Variants in FBXO22 observed in about 807,000 individuals in gnomAD.
The protein encoded by FBXO22 is F-box protein 22, also known as F-box only protein 22.
In FBXO22, 13 loss-of-function variants were observed where a neutral mutation model predicts 37.2. The observed-to-expected ratio is 0.35, with a 90% confidence interval of 0.23 to 0.56. The LOEUF (loss-of-function observed/expected upper bound fraction) is 0.56. FBXO22 is among the 20% of genes least tolerant of loss of function. The pLI, the probability that FBXO22 is intolerant of heterozygous loss-of-function variation, is 0.87. For synonymous variants in FBXO22, 189 were observed against 189.1 expected, an observed-to-expected ratio of 1.00 and a Z score of 0.00; for missense variants, 446 against 509.9, an observed-to-expected ratio of 0.87 and a Z score of 1.21.
rs180831394 is a variant in FBXO22, at chr15:75,925,204, T to A, written c.629-4680T>A. Among the ~76,000 whole-genome samples the A allele has an allele frequency of 3.9e-5, 6 of 152,328 alleles. No homozygotes were observed. The East Asian group carries it at 1.2e-3, about 29-fold the overall frequency. ...CTAGCTTCTGTAATATGGATATAAT[T>A]TGCATGTTAAATGTGAATTTTGGAA... is the stretch of plus-strand genomic sequence containing the variant. On this transcript the variant is annotated intron_variant, in intron 5 of 6. Transcript: ENST00000308275.
In FBXO22 at chr15:75,914,194, C is replaced by T. The variant is rs1900132760; in HGVS notation, c.452C>T (p.Pro151Leu). The change falls in exon 4 of 7, where the codon CCA becomes CTA. Residue 151 changes from proline to leucine, a missense_variant. This residue lies in a region of FBXO22 where 315 missense variants were observed against 410.1 expected (regional missense o/e 0.77). Coordinates refer to ENST00000308275, the MANE Select transcript of FBXO22 (RefSeq NM_147188.3). ...TGCCAAGTCCTTGGGATTGTGACCCCAGGAATTGTAGGTGAGATAAATTAG... is the reference window on the plus strand; with the variant it reads ...TGCCAAGTCCTTGGGATTGTGACCCTAGGAATTGTAGGTGAGATAAATTAG... ...KQCQVLGIVT[P>L]GIVVTPMGSG... The T allele has an allele frequency of 6.2e-7, 1 of 1,612,096 alleles. No homozygotes were observed. Among genetic ancestry groups the T allele is most frequent in the Non-Finnish European group, 8.5e-7 (1 of 1,178,612 alleles).
At chr15:75,929,613 ATTAT>A (rs1348572112) in intron 5 of FBXO22, among the ~76,000 whole-genome samples, 1 of 151,968 alleles carries the variant, frequency 6.6e-6, no homozygotes, top group Non-Finnish European at 1.5e-5. Flanking sequence ...TGTTGATTGC[ATTAT>A]TTATTAACAC....
In FBXO22 at chr15:75,924,256, G is replaced by A. The variant is rs1900391644; in HGVS notation, c.629-5628G>A. On this transcript the variant is annotated intron_variant, in intron 5 of 6. Coordinates refer to ENST00000308275, the MANE Select transcript of FBXO22 (RefSeq NM_147188.3). ...CCGGGGAGGAGGCTCAGTAGTGCAT[G>A]TTGATTGTCCAGGGTTGGTACTGCT... 2.0e-5 allele frequency among the ~76,000 whole-genome samples: 3 copies of A among 152,156 alleles called. No homozygotes were observed. In the South Asian group the frequency reaches 6.2e-4, roughly 32 times the overall value.
rs2031085252 is a variant in FBXO22, at chr15:75,942,379, T to C, written c.*9277T>C. 6.6e-6 allele frequency: 1 copy of C among 150,480 alleles called. No homozygotes were observed. The allele number at this position is 150,480 out of a possible 1,614,324, so 9.3% of individuals were successfully genotyped here. A position where few individuals can be genotyped will look rare whatever the true frequency, so the allele number is the denominator to read the frequency against. ...AAAGTAAAAATGTGTCAATATTGGT[T>C]AAACAAATATACCACACTAGTGCAA... On this transcript the variant is annotated 3_prime_UTR_variant, in exon 7 of 7. Coordinates refer to ENST00000308275, the MANE Select transcript of FBXO22 (RefSeq NM_147188.3).
intron 6 of FBXO22, 87 bp downstream of exon 6, chr15:75,930,136 CGT>C: frequency 6.3e-7 from 1 of 1,598,412 alleles, no homozygotes; most frequent in Non-Finnish European, 8.5e-7. Context: ...ATTTAAAAAA[CGT>C]GTTTAAAGAA....
At chr15:75,904,972 C>A (rs1899894528) in intron 2 of FBXO22, among the ~76,000 whole-genome samples, 1 of 152,046 alleles carries the variant, frequency 6.6e-6, no homozygotes, top group Admixed American at 6.5e-5. Flanking sequence ...TACAGGCGCC[C>A]GCCACCATGC....
chr15:75,932,615 G>A (rs1028726973), intron 6 of FBXO22, 70 bp from the exon 7 acceptor site: 10 of 1,427,278 alleles, frequency 7.0e-6, no homozygotes, highest in Non-Finnish European at 9.4e-6. Flanking sequence ...AGTGAATCAG[G>A]AGGATTTTGC....
chr15:75,914,050 C>T lies in FBXO22; in HGVS notation c.368-60C>T, dbSNP rs1900128427. 3.2e-6 allele frequency: 4 copies of T among 1,266,564 alleles called. No individual in the cohort carries two copies. In the Admixed American group the frequency reaches 6.1e-5, roughly 19 times the overall value. The allele number at this position is 1,266,564 out of a possible 1,614,324, so 78.5% of individuals were successfully genotyped here. A position where few individuals can be genotyped will look rare whatever the true frequency, so the allele number is the denominator to read the frequency against. ...TCCAGTATTTGCTTTTTTACTTTTT[C>T]ATTCTCAGATTTGACTTTAAATGGA... is the stretch of plus-strand genomic sequence containing the variant. On this transcript the variant is annotated intron_variant, in intron 3 of 6. Coordinates refer to ENST00000308275, the MANE Select transcript of FBXO22 (RefSeq NM_147188.3).
intron 4 of FBXO22, among the ~76,000 whole-genome samples, chr15:75,915,877 A>T (rs1337910440): frequency 1.3e-5 from 2 of 149,900 alleles, no homozygotes; most frequent in South Asian, 4.3e-4. Context: ...TCCATCCTGG[A>T]TGATAGAGCA....
chr15:75,923,268 G>A (rs760272039), intron 5 of FBXO22, among the ~76,000 whole-genome samples: 1 of 152,214 alleles, frequency 6.6e-6, no homozygotes, highest in Non-Finnish European at 1.5e-5. Flanking sequence ...ATAGTGCCAA[G>A]TATAGGAATG....
intron 2 of FBXO22, among the ~76,000 whole-genome samples, chr15:75,910,845 A>C (rs768299277): frequency 6.6e-6 from 1 of 152,182 alleles, no homozygotes; most frequent in Non-Finnish European, 1.5e-5. Flanking sequence ...GCCCATGCCT[A>C]TGTCCTGAAT....
intron 5 of FBXO22, among the ~76,000 whole-genome samples, chr15:75,929,339 T>G (rs2029924067): frequency 6.6e-6 from 1 of 151,950 alleles, no homozygotes; most frequent in Non-Finnish European, 1.5e-5. Flanking sequence ...TTAAAGATCC[T>G]TTTTCCAAAT....
chr15:75,929,525 T>C (rs1313412817), intron 5 of FBXO22, among the ~76,000 whole-genome samples: 1 of 151,928 alleles, frequency 6.6e-6, no homozygotes, highest in Non-Finnish European at 1.5e-5. Flanking sequence ...TTTTTTTTTT[T>C]TTGTTCCCTA....
chr15:75,938,222 G>T lies in FBXO22; in HGVS notation c.*5120G>T, dbSNP rs2030570638. On this transcript the variant is annotated 3_prime_UTR_variant, in exon 7 of 7. Coordinates refer to ENST00000308275, the MANE Select transcript of FBXO22 (RefSeq NM_147188.3). ...GAGACTTCAGTGATCACACACAGAAGGAATAGTCTTTTATAAAAATAATTT... is the reference window on the plus strand; with the variant it reads ...GAGACTTCAGTGATCACACACAGAATGAATAGTCTTTTATAAAAATAATTT... 1 of 152,026 alleles carries T rather than the reference G, an allele frequency of 6.6e-6. No homozygotes were observed. Among genetic ancestry groups the T allele is most frequent in the Admixed American group, 6.6e-5 (1 of 15,260 alleles). The allele number at this position is 152,026 out of a possible 1,614,324, so 9.4% of individuals were successfully genotyped here.
chr15:75,930,650 C>T, intron 6 of FBXO22: 1 of 985,362 alleles, frequency 1.0e-6, no homozygotes, highest in Non-Finnish European at 1.2e-6. Flanking sequence ...AAAATATTTG[C>T]TCTTCTGTCT....
intron 2 of FBXO22, among the ~76,000 whole-genome samples, chr15:75,912,548 T>C: frequency 6.6e-6 from 1 of 152,230 alleles, no homozygotes; most frequent in Non-Finnish European, 1.5e-5. Flanking sequence ...TTTTCTAGTT[T>C]ATTTGCATAG....
chr15:75,939,877 AC>A lies in FBXO22; in HGVS notation c.*6777del, dbSNP rs1384522449. On this transcript the variant is annotated 3_prime_UTR_variant, in exon 7 of 7. Coordinates refer to ENST00000308275, the MANE Select transcript of FBXO22 (RefSeq NM_147188.3). Reference sequence around the variant, plus strand: ...AACAAATGAGGGATAAGAGGAAACTACCTGAACATAATAAAAGCCAGACATG... The same window carrying A: ...AACAAATGAGGGATAAGAGGAAACTACTGAACATAATAAAAGCCAGACATG... 6 of 152,118 alleles carry A rather than the reference AC, an allele frequency of 3.9e-5. No homozygotes were observed. The highest frequency in any genetic ancestry group is 8.8e-5 in the Non-Finnish European group (6 of 67,986). The allele number at this position is 152,118 out of a possible 1,614,324, so 9.4% of individuals were successfully genotyped here. A position where few individuals can be genotyped will look rare whatever the true frequency, so the allele number is the denominator to read the frequency against.
rs1209929101 is a variant in FBXO22 at position 75,935,370 on chromosome 15, T to G, written c.*2268T>G. On this transcript the variant is annotated 3_prime_UTR_variant, in exon 7 of 7. Transcript: ENST00000308275. Reference sequence around the variant, plus strand: ...AAAAAGAGAAGTAAAGGTGTACCATTAGCCTACATACTGAGCTGACGATCA... The same window carrying G: ...AAAAAGAGAAGTAAAGGTGTACCATGAGCCTACATACTGAGCTGACGATCA... 1 of 152,178 alleles carries G rather than the reference T, an allele frequency of 6.6e-6. No homozygotes were observed. The highest frequency in any genetic ancestry group is 1.5e-5 in the Non-Finnish European group (1 of 68,020). The allele number at this position is 152,178 out of a possible 1,614,324, so 9.4% of individuals were successfully genotyped here.
At chr15:75,930,127 T>C (rs759505244) in intron 6 of FBXO22, 78 bp downstream of exon 6, 2 of 1,600,814 alleles carry the variant, frequency 1.2e-6, no homozygotes, top group Non-Finnish European at 1.7e-6. Flanking sequence ...GGGTTAACAA[T>C]TTAAAAAACG....
Sources: gnomAD v4.1 joint callset for allele counts (sites outside exome capture counted in the v4.1 genomes callset) on GRCh38, gnomAD v4.1.1 for gene constraint, gnomAD v4.1.1 regional missense constraint, MANE v1.5 for transcripts, NCBI Gene and HGNC (gene_info 2026-07-23, HGNC 2026-07-21) for gene names.